Variants in NPAS3 observed in about 807,000 individuals in gnomAD.
NPAS3 encodes neuronal PAS domain protein 3.
A neutral mutation model predicts 73.1 loss-of-function variants in NPAS3; 14 were observed. The ratio of observed to expected loss-of-function variants is 0.19; its 90% CI spans 0.13 to 0.30. The LOEUF is 0.30. Among genes scored for constraint, NPAS3 ranks in the 10% least tolerant of loss-of-function variants. NPAS3 has a pLI of 1.00. For missense variants in NPAS3, 1,096 were observed against 1,250.0 expected, an observed-to-expected ratio of 0.88 and a Z score of 1.86; for synonymous variants, 620 against 541.5, an observed-to-expected ratio of 1.14 and a Z score of -2.01.
intron 6 of NPAS3, among the ~76,000 whole-genome samples, chr14:33,683,378 C>T (rs945831501): frequency 9.6e-5 from 10 of 104,018 alleles, no homozygotes; most frequent in African/African-American, 3.8e-4. Flanking sequence ...CAAGTTTCTA[C>T]AATGAAACCC....
chr14:33,308,510 T>TTATATATATATATATATATATATATA (rs67518761), intron 3 of NPAS3, among the ~76,000 whole-genome samples: 4 of 83,502 alleles, frequency 4.8e-5, no homozygotes, highest in Admixed American at 1.5e-4. Flanking sequence ...ATTGCATAGT[T>TTATATATATATATATATATATATATA]TATATATATA....
At chr14:33,060,222 T>C (rs774699371) in intron 2 of NPAS3, among the ~76,000 whole-genome samples, 1 of 152,208 alleles carries the variant, frequency 6.6e-6, no homozygotes, top group Non-Finnish European at 1.5e-5. Context: ...GCTAGGTGTT[T>C]GTAGCTTCAA....
At chr14:33,187,309 C>A (rs1201536423) in intron 2 of NPAS3, among the ~76,000 whole-genome samples, 2 of 152,166 alleles carry the variant, frequency 1.3e-5, no homozygotes, top group Non-Finnish European at 2.9e-5. Context: ...CCTTGTTCTT[C>A]ATGCCCATGG....
At chr14:33,667,173 T>C (rs2059475802) in intron 5 of NPAS3, among the ~76,000 whole-genome samples, 1 of 141,970 alleles carries the variant, frequency 7.0e-6, no homozygotes, top group Admixed American at 7.7e-5. Context: ...CTGGTGGTAA[T>C]GTATACTTAT....
chr14:32,968,145 A>G (rs1427108679), intron 1 of NPAS3, among the ~76,000 whole-genome samples: 1 of 152,030 alleles, frequency 6.6e-6, no homozygotes, highest in Non-Finnish European at 1.5e-5. Flanking sequence ...TAGGAGGAAT[A>G]AGTTCTGGTG....
chr14:33,723,968 C>G (rs1480036673), intron 6 of NPAS3, among the ~76,000 whole-genome samples: 1 of 152,024 alleles, frequency 6.6e-6, no homozygotes, highest in African/African-American at 2.4e-5. Context: ...CATTTTTTTA[C>G]CTTATCTTTA....
chr14:33,196,449 T>C lies in NPAS3; in HGVS notation c.141-18733T>C, dbSNP rs545908663. 7.3e-4 allele frequency among the ~76,000 whole-genome samples: 111 copies of C among 152,318 alleles called. 1 individual carries two copies. The highest frequency in any genetic ancestry group is 2.5e-3 in the African/African-American group (105 of 41,564). On this transcript the variant is annotated intron_variant, in intron 2 of 11. Coordinates refer to ENST00000356141, the Ensembl canonical transcript of NPAS3. ...TACTTTTCAACAGGCCATCTCTCTC[T>C]TTTGAGTAGTAGAGCTTCCTTGTCA...
rs1353273260 is a variant in NPAS3 at position 33,314,035 on chromosome 14, T to C, written c.386-53151T>C. ...ATGTTATTTGGATGTTTTCTGCCTT[T>C]TAAAAATTTTCTTTGGGTTTCAAGA... On this transcript the variant is annotated intron_variant, in intron 3 of 11. Transcript: ENST00000356141. 9.9e-5 allele frequency among the ~76,000 whole-genome samples: 15 copies of C among 152,236 alleles called. No individual in the cohort carries two copies. The East Asian group carries it at 2.3e-3, about 24-fold the overall frequency.
intron 4 of NPAS3, among the ~76,000 whole-genome samples, chr14:33,448,286 A>C (rs12586631): frequency 0.073 from 11,100 of 152,216 alleles, 714 homozygotes; most frequent in East Asian, 0.33. Flanking sequence ...TAAAGTTTTA[A>C]AAGAAGAAAA....
intron 4 of NPAS3, among the ~76,000 whole-genome samples, chr14:33,497,081 G>A (rs1309269969): frequency 1.3e-5 from 2 of 152,052 alleles, no homozygotes; most frequent in African/African-American, 4.8e-5. Context: ...CAAATCATGA[G>A]TGAACTCCCA....
intron 2 of NPAS3, among the ~76,000 whole-genome samples, chr14:33,109,138 T>C (rs1671522098): frequency 6.6e-6 from 1 of 152,142 alleles, no homozygotes; most frequent in South Asian, 2.1e-4. Flanking sequence ...CCACAATCAT[T>C]TGCCATTTCA....
At chr14:33,523,194 T>A (rs2053634905) in intron 4 of NPAS3, among the ~76,000 whole-genome samples, 1 of 152,104 alleles carries the variant, frequency 6.6e-6, no homozygotes. Context: ...CTTCAGTGAT[T>A]CAGAGGAGGA....
At chr14:33,469,740 T>C (rs1202324420) in intron 4 of NPAS3, among the ~76,000 whole-genome samples, 1 of 152,154 alleles carries the variant, frequency 6.6e-6, no homozygotes, top group Non-Finnish European at 1.5e-5. Context: ...AATTTGACTG[T>C]TTGGTAAGCA....
At chr14:33,420,785 T>C (rs2048333462) in intron 4 of NPAS3, among the ~76,000 whole-genome samples, 1 of 151,942 alleles carries the variant, frequency 6.6e-6, no homozygotes, top group South Asian at 2.1e-4. Flanking sequence ...TATGCCATAA[T>C]GTGAAAATCA....
At chr14:33,351,634 T>A (rs1186599135) in intron 3 of NPAS3, among the ~76,000 whole-genome samples, 1 of 152,244 alleles carries the variant, frequency 6.6e-6, no homozygotes, top group African/African-American at 2.4e-5. Context: ...ACCGCTTCTT[T>A]TTGTGTACTC....
chr14:33,512,934 G>T (rs957589418), intron 4 of NPAS3, among the ~76,000 whole-genome samples: 1 of 152,000 alleles, frequency 6.6e-6, no homozygotes, highest in Non-Finnish European at 1.5e-5. Context: ...TTAATTTCAA[G>T]GTAGGTTCTT....
At chr14:32,986,254 G>A (rs748363255) in intron 1 of NPAS3, among the ~76,000 whole-genome samples, 1 of 152,190 alleles carries the variant, frequency 6.6e-6, no homozygotes, top group African/African-American at 2.4e-5. Flanking sequence ...TTTAGCTTGT[G>A]TTTTGAGAAC....
chr14:33,421,578 TATC>T (rs1455125145), intron 4 of NPAS3, among the ~76,000 whole-genome samples: 1 of 151,800 alleles, frequency 6.6e-6, no homozygotes, highest in Non-Finnish European at 1.5e-5. Flanking sequence ...TTGAGAGTGA[TATC>T]ATGTGAAATT....
chr14:32,980,914 T>A (rs554117356), intron 1 of NPAS3, among the ~76,000 whole-genome samples: 1 of 152,112 alleles, frequency 6.6e-6, no homozygotes, highest in South Asian at 2.1e-4. Flanking sequence ...TCAGTTTAAT[T>A]TTTTAGCTAT....
Sources: gnomAD v4.1 joint callset for allele counts (sites outside exome capture counted in the v4.1 genomes callset) on GRCh38, gnomAD v4.1.1 for gene constraint, MANE v1.5 for transcripts, NCBI Gene and HGNC (gene_info 2026-07-23, HGNC 2026-07-21) for gene names.